ADK: variants seen among roughly 807,000 people sequenced by gnomAD.
ADK encodes the protein N6,N6-dimethyladenosine kinase.
A neutral mutation model predicts 44.7 loss-of-function variants in ADK; 24 were observed. The ratio of observed to expected loss-of-function variants is 0.54; its 90% CI spans 0.39 to 0.76. The LOEUF (loss-of-function observed/expected upper bound fraction) is 0.76. Among genes scored for constraint, ADK ranks in the 30% least tolerant of loss-of-function variants. The pLI is 0.00. For synonymous variants in ADK, 128 were observed against 142.6 expected (o/e 0.90, Z 0.73); for missense variants, 321 against 425.1 (o/e 0.76, Z 2.15).
chr10:74,619,652 G>T (rs958474849), intron 9 of ADK, among the ~76,000 whole-genome samples: 8 of 151,898 alleles, frequency 5.3e-5, no homozygotes, highest in Admixed American at 5.2e-4. Context: ...TTGTAGGTCT[G>T]GTTTTTAAAG....
intron 4 of ADK, among the ~76,000 whole-genome samples, chr10:74,322,638 T>G (rs1172164419): frequency 1.3e-5 from 2 of 152,188 alleles, no homozygotes; most frequent in Non-Finnish European, 2.9e-5. Flanking sequence ...GTGAAATTAT[T>G]ATAACTTAGA....
chr10:74,341,902 G>T (rs1298074762), intron 4 of ADK, among the ~76,000 whole-genome samples: 1 of 152,060 alleles, frequency 6.6e-6, no homozygotes, highest in Non-Finnish European at 1.5e-5. Context: ...AAGACTTAGA[G>T]AATAGTAAAA....
intron 4 of ADK, chr10:74,371,756 C>CA: frequency 7.3e-7 from 1 of 1,375,970 alleles, no homozygotes; most frequent in South Asian, 1.2e-5. Flanking sequence ...CTGCTGATGT[C>CA]AGTGTTATAT....
chr10:74,625,509 A>G (rs1355536182), intron 9 of ADK, among the ~76,000 whole-genome samples: 1 of 152,196 alleles, frequency 6.6e-6, no homozygotes, highest in Non-Finnish European at 1.5e-5. Context: ...TGATCAGTTT[A>G]CCGTAATTCC....
intron 9 of ADK, among the ~76,000 whole-genome samples, chr10:74,615,689 GT>G (rs1323886275): frequency 6.6e-6 from 1 of 151,888 alleles, no homozygotes; most frequent in Non-Finnish European, 1.5e-5. Flanking sequence ...ACTGGTATTT[GT>G]TTTTTTGTGT....
intron 5 of ADK, among the ~76,000 whole-genome samples, chr10:74,396,318 G>A (rs994753767): frequency 1.3e-5 from 2 of 152,158 alleles, no homozygotes; most frequent in East Asian, 1.9e-4. Flanking sequence ...CTGATCACTC[G>A]AGCTCAGGAG....
At chr10:74,568,023 A>G (rs1401206429) in intron 7 of ADK, among the ~76,000 whole-genome samples, 2 of 151,992 alleles carry the variant, frequency 1.3e-5, no homozygotes, top group Non-Finnish European at 2.9e-5. Flanking sequence ...TTTAATTCCA[A>G]TTACAGTGTA....
chr10:74,698,886 G>GTTA (rs1298777287), intron 10 of ADK, among the ~76,000 whole-genome samples: 3 of 151,270 alleles, frequency 2.0e-5, no homozygotes, highest in Non-Finnish European at 4.4e-5. Context: ...TGTTGTTGTT[G>GTTA]CCCAAACTAG....
intron 7 of ADK, among the ~76,000 whole-genome samples, chr10:74,563,136 A>G (rs1218467840): frequency 6.6e-6 from 1 of 152,116 alleles, no homozygotes; most frequent in East Asian, 1.9e-4. Flanking sequence ...ATTATAGCAC[A>G]ACTACATCCT....
At chr10:74,656,009 G>T in intron 9 of ADK, 1 of 632,356 alleles carries the variant, frequency 1.6e-6, no homozygotes. Flanking sequence ...GCTCTTTCCT[G>T]CAGGAGCTGG....
At chr10:74,172,137 CTTTTTTTTTTT>C (rs3998223) in intron 1 of ADK, among the ~76,000 whole-genome samples, 1 of 122,690 alleles carries the variant, frequency 8.2e-6, no homozygotes, top group Non-Finnish European at 1.7e-5. Flanking sequence ...CATGGATTTT[CTTTTTTTTTTT>C]TTTTTTTTAA....
intron 3 of ADK, among the ~76,000 whole-genome samples, chr10:74,276,775 T>G (rs1243671437): frequency 2.0e-5 from 3 of 152,078 alleles, no homozygotes; most frequent in Non-Finnish European, 2.9e-5. Context: ...GGTGTTTACC[T>G]GTTTAATCTC....
At chr10:74,316,770 G>C (rs1840635362) in intron 4 of ADK, among the ~76,000 whole-genome samples, 1 of 151,902 alleles carries the variant, frequency 6.6e-6, no homozygotes, top group African/African-American at 2.4e-5. Flanking sequence ...CCTTTCTTGG[G>C]GATCTTCATC....
At chr10:74,274,853 A>G (rs1266745982) in intron 3 of ADK, among the ~76,000 whole-genome samples, 1 of 150,562 alleles carries the variant, frequency 6.6e-6, no homozygotes, top group African/African-American at 2.4e-5. Context: ...CTGCCTCCTA[A>G]AGTGCTGGGA....
chr10:74,655,893 G>T, intron 9 of ADK: 1 of 651,096 alleles, frequency 1.5e-6, no homozygotes. Context: ...TTCTACCCTA[G>T]CTGACCTGAC....
At chr10:74,676,042 A>AT (rs1554896496) in intron 10 of ADK, among the ~76,000 whole-genome samples, 819 of 81,098 alleles carry the variant, frequency 0.01, 9 homozygotes, top group African/African-American at 0.032. Context: ...CATTCTTAGA[A>AT]TTAAAAAAAA....
At chr10:74,520,886 C>A (rs1220040996) in intron 6 of ADK, among the ~76,000 whole-genome samples, 1 of 152,106 alleles carries the variant, frequency 6.6e-6, no homozygotes, top group Non-Finnish European at 1.5e-5. Flanking sequence ...GTTATCCAGC[C>A]TCTAAGTGTT....
chr10:74,687,097 T>C (rs1425171591), intron 10 of ADK, among the ~76,000 whole-genome samples: 2 of 152,220 alleles, frequency 1.3e-5, no homozygotes, highest in Non-Finnish European at 2.9e-5. Context: ...CAACACCTGA[T>C]ACATAGTAAG....
intron 3 of ADK, among the ~76,000 whole-genome samples, chr10:74,302,006 C>T (rs1380839291): frequency 2.0e-5 from 3 of 151,320 alleles, no homozygotes; most frequent in Non-Finnish European, 2.9e-5. Context: ...CACTTTTCTC[C>T]TATAGTAACT....
Sources: gnomAD v4.1 joint callset for allele counts (sites outside exome capture counted in the v4.1 genomes callset) on GRCh38, gnomAD v4.1.1 for gene constraint, MANE v1.5 for transcripts, NCBI Gene and HGNC (gene_info 2026-07-23, HGNC 2026-07-21) for gene names.